Variants in EML2 observed in about 807,000 individuals in gnomAD.
EML2 encodes EMAP like 2.
A neutral mutation model predicts 84.7 loss-of-function variants in EML2; 59 were observed. That is an observed-to-expected ratio of 0.70 (90% CI 0.56 to 0.86). The LOEUF (loss-of-function observed/expected upper bound fraction) is 0.86. Among genes scored for constraint, EML2 ranks in the 40% least tolerant of loss-of-function variants. EML2 has a pLI of 0.00. For synonymous variants in EML2, 352 were observed against 348.9 expected (o/e 1.01, Z -0.10); for missense variants, 818 against 855.6 (o/e 0.96, Z 0.55).
Position 45,626,846 on chromosome 19 carries a change from G to A in EML2, c.607-7C>T. On this transcript the variant is annotated splice_polypyrimidine_tract_variant and splice_region_variant and intron_variant, in intron 7 of 18. Coordinates refer to ENST00000245925, the MANE Select transcript of EML2 (RefSeq NM_012155.4). ...ATACAGCCTCATTGGAGCACTTTGGGGGGTGGGGGAGATTCTGAATGAGGA... is the reference window on the plus strand; with the variant it reads ...ATACAGCCTCATTGGAGCACTTTGGAGGGTGGGGGAGATTCTGAATGAGGA... 6.2e-7 allele frequency: 1 copy of A among 1,606,772 alleles called. No homozygotes were observed. The highest frequency in any genetic ancestry group is 8.5e-7 in the Non-Finnish European group (1 of 1,176,086).
At chr19:45,616,594 C>T (rs757306071) in intron 14 of EML2, 36 bp from the exon 15 acceptor site, 2 of 1,540,310 alleles carry the variant, frequency 1.3e-6, no homozygotes, top group Admixed American at 1.7e-5. Context: ...AGGAGGCACC[C>T]AGGCTCCATC....
intron 6 of EML2, 106 bp downstream of exon 6, chr19:45,632,755 C>T: frequency 1.3e-5 from 13 of 976,578 alleles, no homozygotes; most frequent in Non-Finnish European, 1.7e-5. Flanking sequence ...GGCCACGCCT[C>T]CAGCAGGATT....
chr19:45,609,633 G>A lies in EML2; in HGVS notation c.*30C>T. ...GACATCTCCCGAAAATAGAATTCCT[G>A]CCCTGACACCTGACTCTTCCCTGGC... On this transcript the variant is annotated 3_prime_UTR_variant, in exon 19 of 19. Coordinates refer to ENST00000245925, the MANE Select transcript of EML2 (RefSeq NM_012155.4). The A allele has an allele frequency of 5.7e-6, 9 of 1,578,338 alleles. No individual in the cohort carries two copies. The highest frequency in any genetic ancestry group is 7.7e-6 in the Non-Finnish European group (9 of 1,163,772).
intron 11 of EML2, among the ~76,000 whole-genome samples, chr19:45,620,263 G>A (rs113813726): frequency 0.041 from 6,202 of 151,888 alleles, 444 homozygotes; most frequent in African/African-American, 0.14. Context: ...ACAGGCACAC[G>A]CCACCATGCC....
chr19:45,626,823 A>G lies in EML2; in HGVS notation c.623T>C (p.Val208Ala), dbSNP rs370506894. 116 of 1,612,110 alleles carry G rather than the reference A, an allele frequency of 7.2e-5. No individual in the cohort carries two copies. The highest frequency in any genetic ancestry group is 9.2e-5 in the Non-Finnish European group (108 of 1,179,186). The change falls in exon 8 of 19, where the codon GTA becomes GCA. Residue 208 changes from valine (V) to alanine (A), a missense_variant. By Grantham distance (64) the Val-to-Ala change is moderately conservative (BLOSUM62 0). Transcript: ENST00000245925. ...CGTGGGGTGGAAGGTGGCCACCAAT[A>G]CAGCCTCATTGGAGCACTTTGGGGG... ...VVDVKCSNEA[V>A]LVATFHPTDP...
At chr19:45,630,130 C>T in intron 6 of EML2, 84 bp from the exon 7 acceptor site, 1 of 989,130 alleles carries the variant, frequency 1.0e-6, no homozygotes, top group South Asian at 1.3e-5. Flanking sequence ...GCATTCACCA[C>T]ACAGGCCTGT....
At chr19:45,614,907 C>T (rs557946762) in intron 16 of EML2, 9 of 493,126 alleles carry the variant, frequency 1.8e-5, no homozygotes, top group East Asian at 7.4e-5. Flanking sequence ...CTTTTAAACC[C>T]GCATCTGGCC....
intron 18 of EML2, 75 bp from the exon 19 acceptor site, chr19:45,609,863 A>C (rs1600043792): frequency 2.0e-6 from 3 of 1,504,096 alleles, no homozygotes; most frequent in East Asian, 2.4e-5. Context: ...TCTTGTCTTG[A>C]CCCGGTTCTT....
chr19:45,621,377 TG>T (rs764101987), intron 10 of EML2, 45 bp from the exon 11 acceptor site: 1 of 1,576,932 alleles, frequency 6.3e-7, no homozygotes, highest in Non-Finnish European at 8.6e-7. Flanking sequence ...TGCACACGGG[TG>T]GGTGTGGGGT....
chr19:45,629,468 G>A (rs1180823499), intron 7 of EML2, among the ~76,000 whole-genome samples: 1 of 152,082 alleles, frequency 6.6e-6, no homozygotes, highest in Non-Finnish European at 1.5e-5. Context: ...GGGATTACAG[G>A]CATGTGCTAC....
At chr19:45,624,099 C>G (rs1487366386) in intron 9 of EML2, among the ~76,000 whole-genome samples, 1 of 152,242 alleles carries the variant, frequency 6.6e-6, no homozygotes, top group African/African-American at 2.4e-5. Flanking sequence ...CTTCTTGGAA[C>G]AATCTGTTCT....
chr19:45,616,694 T>G, intron 14 of EML2, 71 bp downstream of exon 14: 1 of 1,457,114 alleles, frequency 6.9e-7, no homozygotes, highest in Non-Finnish European at 9.5e-7. Context: ...GCTCCACCCC[T>G]CCCCCTGCCA....
At chr19:45,636,171 G>C (rs748639383) in intron 3 of EML2, among the ~76,000 whole-genome samples, 1 of 151,748 alleles carries the variant, frequency 6.6e-6, no homozygotes, top group African/African-American at 2.4e-5. Context: ...ATGCAGTCTC[G>C]CCATGCTGCC....
In EML2 at chr19:45,630,498, G is replaced by C. The variant is rs572633560; in HGVS notation, c.511-452C>G. Among the ~76,000 whole-genome samples the C allele has an allele frequency of 2.5e-4, 36 of 143,268 alleles. No homozygotes were observed. The South Asian group carries it at 7.6e-3, about 30-fold the overall frequency. The allele number at this position is 143,268 out of a possible 152,430, so 94.0% of individuals were successfully genotyped here. ...AACTGGGAGGCAGAGGATGCAGTGA[G>C]CCAAGATTGCGCCATTGCACTCCAG... On this transcript the variant is annotated intron_variant, in intron 6 of 18. Coordinates refer to ENST00000245925, the MANE Select transcript of EML2 (RefSeq NM_012155.4).
chr19:45,639,177 C>T (rs547904335), intron 1 of EML2, 180 bp downstream of exon 1: 9 of 711,524 alleles, frequency 1.3e-5, no homozygotes, highest in Admixed American at 6.7e-5. Flanking sequence ...TGCTCCCCAG[C>T]GCCCCCCACC....
Position 45,616,803 on chromosome 19 carries a change from T to C in EML2, c.1373A>G (p.Asp458Gly). 1 of 1,613,332 alleles carries C rather than the reference T, an allele frequency of 6.2e-7. No individual in the cohort carries two copies. The highest frequency in any genetic ancestry group is 8.5e-7 in the Non-Finnish European group (1 of 1,179,920). Residue 458 changes from aspartate to glycine, a missense_variant, in exon 14 of 19, where the codon GAC (aspartate) becomes GGC (glycine). By Grantham distance (94) the Asp-to-Gly change is moderately conservative. Transcript: ENST00000245925. ...ETHDLVAIHT[D>G]GNEQISVVSF... ...GACCACTGAGATCTGTTCATTGCCG[T>C]CTGTGTGGATAGCCACCAGGTCATG...
Position 45,624,038 on chromosome 19 carries a change from C to T in EML2, c.841+681G>A, listed in dbSNP as rs536578339. ...CCATTGGTTGGAGCAAGTATTTCTT[C>T]ACCCAACCATTGGCTAAGACAAGTC... On this transcript the variant is annotated intron_variant, in intron 9 of 18. Transcript: ENST00000245925. Among the ~76,000 whole-genome samples, 7 of 152,354 alleles carry T rather than the reference C, an allele frequency of 4.6e-5. No homozygotes were observed. In the East Asian group the frequency reaches 1.3e-3, roughly 29 times the overall value.
intron 3 of EML2, among the ~76,000 whole-genome samples, chr19:45,637,249 C>T (rs1973833527): frequency 6.6e-6 from 1 of 152,142 alleles, no homozygotes; most frequent in South Asian, 2.1e-4. Flanking sequence ...GTGTGGACTC[C>T]AAGCTCAATA....
intron 9 of EML2, among the ~76,000 whole-genome samples, chr19:45,622,771 G>T (rs1971857050): frequency 6.6e-6 from 1 of 152,278 alleles, no homozygotes; most frequent in East Asian, 1.9e-4. Context: ...CAGGCGGCCG[G>T]GTTCGGTGGC....
Sources: allele counts gnomAD v4.1 joint callset (sites outside exome capture counted in the v4.1 genomes callset), GRCh38; gene constraint gnomAD v4.1.1; transcripts MANE v1.5; gene names NCBI Gene and HGNC (gene_info 2026-07-23, HGNC 2026-07-21).